CACNA2D3: variants seen among roughly 807,000 people sequenced by gnomAD.
CACNA2D3 encodes voltage-dependent calcium channel subunit alpha-2/delta-3.
CACNA2D3 carries 60 observed loss-of-function variants against 160.6 expected under a neutral mutation model. The observed-to-expected ratio is 0.37, with a 90% CI of 0.30 to 0.46. The LOEUF (loss-of-function observed/expected upper bound fraction) is 0.46. Among genes scored for constraint, CACNA2D3 ranks in the 20% least tolerant of loss-of-function variants. CACNA2D3 has a pLI of 1.00. For missense variants in CACNA2D3, 1,205 were observed against 1,365.0 expected, an observed-to-expected ratio of 0.88 and a Z score of 1.85; for synonymous variants, 558 against 492.9, an observed-to-expected ratio of 1.13 and a Z score of -1.75.
At chr3:54,587,641 C>G (rs1044742137) in intron 9 of CACNA2D3, among the ~76,000 whole-genome samples, 1 of 152,032 alleles carries the variant, frequency 6.6e-6, no homozygotes, top group African/African-American at 2.4e-5. Flanking sequence ...GACGCCAGTA[C>G]TGAACCTGCA....
chr3:54,701,073 T>G (rs1700759519), intron 11 of CACNA2D3, among the ~76,000 whole-genome samples: 2 of 152,204 alleles, frequency 1.3e-5, no homozygotes, highest in Non-Finnish European at 2.9e-5. Context: ...AGAAATCAGG[T>G]TCTTTTCATG....
At chr3:54,634,291 C>T (rs1010296023) in intron 10 of CACNA2D3, among the ~76,000 whole-genome samples, 12 of 152,200 alleles carry the variant, frequency 7.9e-5, no homozygotes, top group Non-Finnish European at 1.3e-4. Flanking sequence ...ATCTTTCCCT[C>T]AGATACTCAC....
At position 54,802,075 on chromosome 3, in the gene CACNA2D3, C is replaced by T. The variant is rs148008867; in HGVS notation, c.1381-14778C>T. Among the ~76,000 whole-genome samples the T allele has an allele frequency of 4.3e-3, 661 of 152,256 alleles. 4 individuals are homozygous for T. Among genetic ancestry groups the T allele is most frequent in the African/African-American group, 0.014 (598 of 41,550 alleles). ...TTGACCCTGTTTTTATCTTATCTTA[C>T]CCCCTGCAGGGTTATCTCTCTACCT... is the stretch of plus-strand genomic sequence containing the variant. On this transcript the variant is annotated intron_variant, in intron 13 of 37. Coordinates refer to ENST00000474759, the MANE Select transcript of CACNA2D3 (RefSeq NM_018398.3).
At chr3:54,132,807 A>T (rs1008471497) in intron 2 of CACNA2D3, among the ~76,000 whole-genome samples, 2 of 152,126 alleles carry the variant, frequency 1.3e-5, no homozygotes, top group African/African-American at 4.8e-5. Context: ...TTGAATCGAG[A>T]TGCTACTGCT....
At chr3:54,123,486 A>C (rs1449868080) in intron 1 of CACNA2D3, 27 bp from the exon 2 acceptor site, 1 of 1,574,324 alleles carries the variant, frequency 6.4e-7, no homozygotes, top group Middle Eastern at 1.7e-4. Flanking sequence ...GGTGTTACAT[A>C]TCTTCCTGTG....
At chr3:54,192,693 T>TGC (rs1237472067) in intron 2 of CACNA2D3, among the ~76,000 whole-genome samples, 1 of 151,962 alleles carries the variant, frequency 6.6e-6, no homozygotes, top group African/African-American at 2.4e-5. Flanking sequence ...TGTGTGTGTG[T>TGC]GTTTGTGTAT....
intron 2 of CACNA2D3, among the ~76,000 whole-genome samples, chr3:54,274,354 A>G (rs1453404394): frequency 6.6e-6 from 1 of 151,630 alleles, no homozygotes; most frequent in Non-Finnish European, 1.5e-5. Flanking sequence ...TCTTTCTTGC[A>G]ACTCCCTGAT....
intron 11 of CACNA2D3, among the ~76,000 whole-genome samples, chr3:54,693,983 T>C (rs755477149): frequency 2.0e-5 from 3 of 152,166 alleles, no homozygotes; most frequent in Non-Finnish European, 4.4e-5. Context: ...GAAATACATT[T>C]TAAAAAATAA....
Position 54,465,817 on chromosome 3 carries a change from G to C in CACNA2D3, c.382-37675G>C, listed in dbSNP as rs1460048226. ...TCCCAATTCTATAAGTCAGAAGTCT[G>C]GGTGGGCTTGGCTGATTTTTCTGCC... On this transcript the variant is annotated intron_variant, in intron 4 of 37. Coordinates refer to ENST00000474759, the MANE Select transcript of CACNA2D3 (RefSeq NM_018398.3). 2.0e-5 allele frequency among the ~76,000 whole-genome samples: 3 copies of C among 152,336 alleles called. No individual in the cohort carries two copies. The East Asian group carries it at 5.8e-4, about 29-fold the overall frequency.
chr3:54,723,100 G>T (rs1324683991), intron 11 of CACNA2D3, among the ~76,000 whole-genome samples: 1 of 152,240 alleles, frequency 6.6e-6, no homozygotes, highest in African/African-American at 2.4e-5. Flanking sequence ...GCCCAGAGAG[G>T]AGAAATCTGG....
intron 11 of CACNA2D3, among the ~76,000 whole-genome samples, chr3:54,663,268 T>TTG (rs1700003820): frequency 6.6e-6 from 1 of 152,182 alleles, no homozygotes; most frequent in African/African-American, 2.4e-5. Flanking sequence ...TGGGAAGATC[T>TTG]GTGGATGTTG....
intron 13 of CACNA2D3, among the ~76,000 whole-genome samples, chr3:54,796,131 AC>A (rs995531717): frequency 2.0e-5 from 3 of 152,156 alleles, no homozygotes; most frequent in Admixed American, 2.0e-4. Flanking sequence ...CAAGGAGACC[AC>A]TTCATTTTTA....
chr3:54,993,090 C>T (rs1268745111), intron 31 of CACNA2D3, among the ~76,000 whole-genome samples: 1 of 152,188 alleles, frequency 6.6e-6, no homozygotes, highest in Non-Finnish European at 1.5e-5. Context: ...CCATCTGCCC[C>T]CATGATCCAA....
At chr3:54,130,730 A>G (rs1281989529) in intron 2 of CACNA2D3, among the ~76,000 whole-genome samples, 1 of 152,216 alleles carries the variant, frequency 6.6e-6, no homozygotes, top group Non-Finnish European at 1.5e-5. Context: ...TTCTGACCTT[A>G]GTTCCTATTT....
chr3:54,939,881 G>A (rs995971732), intron 27 of CACNA2D3, among the ~76,000 whole-genome samples: 3 of 152,200 alleles, frequency 2.0e-5, no homozygotes, highest in Non-Finnish European at 2.9e-5. Context: ...TTGCTTTAGA[G>A]CATCCAGAGT....
intron 27 of CACNA2D3, among the ~76,000 whole-genome samples, chr3:54,914,612 AAG>A (rs1700623095): frequency 6.6e-6 from 1 of 152,198 alleles, no homozygotes; most frequent in South Asian, 2.1e-4. Context: ...TAAAATAAAA[AAG>A]AATCTGAAAG....
At chr3:54,255,371 C>A (rs146425014) in intron 2 of CACNA2D3, among the ~76,000 whole-genome samples, 59 of 152,286 alleles carry the variant, frequency 3.9e-4, no homozygotes, top group African/African-American at 1.4e-3. Flanking sequence ...ACCACTCTTG[C>A]GGCTTGCAAA....
intron 5 of CACNA2D3, among the ~76,000 whole-genome samples, chr3:54,520,074 G>T (rs1489447931): frequency 6.6e-6 from 1 of 152,232 alleles, no homozygotes; most frequent in African/African-American, 2.4e-5. Flanking sequence ...TGGAGACAAA[G>T]CTTGTTTTAC....
intron 27 of CACNA2D3, among the ~76,000 whole-genome samples, chr3:54,932,751 T>C (rs1486956841): frequency 6.6e-6 from 1 of 152,222 alleles, no homozygotes; most frequent in Non-Finnish European, 1.5e-5. Context: ...CATGGCCAAG[T>C]GCTCCTCCAT....
Sources: gnomAD v4.1 joint callset for allele counts (sites outside exome capture counted in the v4.1 genomes callset) on GRCh38, gnomAD v4.1.1 for gene constraint, MANE v1.5 for transcripts, NCBI Gene and HGNC (gene_info 2026-07-23, HGNC 2026-07-21) for gene names.